ROBO1: variants seen among roughly 807,000 people sequenced by gnomAD.
The protein encoded by ROBO1 is roundabout guidance receptor 1.
Under a neutral mutation model 195.9 loss-of-function variants are expected in ROBO1, and 149 were observed. The observed-to-expected ratio is 0.76, with a 90% CI of 0.67 to 0.87. ROBO1 has a LOEUF of 0.87. Among genes scored for constraint, ROBO1 ranks in the 40% least tolerant of loss-of-function variants. The pLI, the probability that ROBO1 is intolerant of heterozygous loss-of-function variation, is 0.00. For synonymous variants in ROBO1, 816 were observed against 733.2 expected (o/e 1.11, Z -1.82); for missense variants, 1,933 against 2,068.3 (o/e 0.93, Z 1.27).
At chr3:78,856,683 A>G (rs560536035) in intron 4 of ROBO1, among the ~76,000 whole-genome samples, 2 of 151,440 alleles carry the variant, frequency 1.3e-5, no homozygotes, top group Admixed American at 1.3e-4. Context: ...AAATTACCCA[A>G]TCTCCTTTGA....
chr3:79,534,325 T>C (rs1236727331), intron 2 of ROBO1, among the ~76,000 whole-genome samples: 4 of 152,058 alleles, frequency 2.6e-5, no homozygotes, highest in Non-Finnish European at 5.9e-5. Flanking sequence ...GATTTTATAC[T>C]ACTGAAATAG....
intron 2 of ROBO1, among the ~76,000 whole-genome samples, chr3:79,388,075 G>A (rs1276429306): frequency 1.3e-5 from 2 of 152,114 alleles, no homozygotes; most frequent in Admixed American, 6.6e-5. Flanking sequence ...GCTATTAAAA[G>A]ACTATTATCA....
At position 79,458,552 on chromosome 3, in the gene ROBO1, C is replaced by T. The variant is rs190901651; in HGVS notation, c.88+131272G>A. The stretch of plus-strand genomic sequence containing the variant: ...TCATGTGTTCACTGGACAAGAAAGA[C>T]GCCACTCTAGGATTTAAGATTTACT... On this transcript the variant is annotated intron_variant, in intron 2 of 30. Coordinates refer to ENST00000464233, the MANE Select transcript of ROBO1 (RefSeq NM_002941.4). Among the ~76,000 whole-genome samples the T allele has an allele frequency of 4.6e-4, 69 of 151,354 alleles. 1 individual carries two copies. The highest frequency in any genetic ancestry group is 2.3e-3 in the Admixed American group (35 of 15,168).
At chr3:79,046,671 T>G (rs944704979) in intron 3 of ROBO1, among the ~76,000 whole-genome samples, 2 of 152,020 alleles carry the variant, frequency 1.3e-5, no homozygotes, top group African/African-American at 4.8e-5. Flanking sequence ...AGGCTAGGTC[T>G]GTCTCTCCTT....
At chr3:78,635,066 T>C (rs1705411920) in intron 23 of ROBO1, among the ~76,000 whole-genome samples, 2 of 152,134 alleles carry the variant, frequency 1.3e-5, no homozygotes, top group African/African-American at 4.8e-5. Context: ...CATGATATTA[T>C]AGCAGTAGCC....
chr3:79,568,525 A>C (rs1943166024), intron 2 of ROBO1, among the ~76,000 whole-genome samples: 1 of 144,312 alleles, frequency 6.9e-6, no homozygotes. Context: ...TCTTTTTCTC[A>C]TTGGGACGCT....
At chr3:79,530,916 G>A (rs9882771) in intron 2 of ROBO1, among the ~76,000 whole-genome samples, 28,914 of 151,898 alleles carry the variant, frequency 0.19, 3,236 homozygotes, top group African/African-American at 0.29. Flanking sequence ...GTCATCTTGC[G>A]GGACGTGACC....
intron 3 of ROBO1, among the ~76,000 whole-genome samples, chr3:78,973,161 A>AAAT (rs2076806636): frequency 6.6e-6 from 1 of 152,018 alleles, no homozygotes; most frequent in Non-Finnish European, 1.5e-5. Context: ...GCTTGCAATG[A>AAAT]AATAGTCATA....
chr3:79,025,738 G>C (rs183761479), intron 3 of ROBO1, among the ~76,000 whole-genome samples: 1 of 152,126 alleles, frequency 6.6e-6, no homozygotes, highest in Non-Finnish European at 1.5e-5. Context: ...CCCTTATTTA[G>C]ATCAGGTTAT....
At position 78,717,405 on chromosome 3, in the gene ROBO1, A is replaced by G. The variant is rs1227896308; in HGVS notation, c.787T>C (p.Ser263Pro). ...VAELTVLERP[S>P]FVKRPSNLAV... ...AAGTTACTGGGTCTCTTCACAAATG[A>G]TGGTCTCTCTAAAATTAAAAAGAGT... is the stretch of plus-strand genomic sequence containing the variant. Residue 263 changes from serine (S) to proline (P), a missense_variant, in exon 7 of 31, where the codon TCA becomes CCA. By Grantham distance (74) the Ser-to-Pro change is moderately conservative (BLOSUM62 -1). Around this residue, in one of 3 missense-constraint regions of ROBO1, gnomAD observed 1,737 missense variants for 1,882.5 expected, o/e 0.92. Coordinates refer to ENST00000464233, the MANE Select transcript of ROBO1 (RefSeq NM_002941.4). 1 of 1,613,686 alleles carries G rather than the reference A, an allele frequency of 6.2e-7. No homozygotes were observed. Among genetic ancestry groups the G allele is most frequent in the Non-Finnish European group, 8.5e-7 (1 of 1,179,674 alleles).
intron 2 of ROBO1, among the ~76,000 whole-genome samples, chr3:79,515,426 T>C (rs1940902074): frequency 6.6e-6 from 1 of 152,222 alleles, no homozygotes; most frequent in African/African-American, 2.4e-5. Context: ...AAAGGAGCTC[T>C]GCTTTTCATA....
intron 1 of ROBO1, among the ~76,000 whole-genome samples, chr3:79,699,362 C>T (rs1947544372): frequency 6.6e-6 from 1 of 151,508 alleles, no homozygotes; most frequent in South Asian, 2.1e-4. Context: ...GATTTGTGCG[C>T]CTTCCAGGTT....
chr3:78,673,578 A>T (rs868848772), intron 10 of ROBO1, among the ~76,000 whole-genome samples: 1 of 46,036 alleles, frequency 2.2e-5, no homozygotes, highest in Non-Finnish European at 4.2e-5. Context: ...ATATATATAT[A>T]TATATATATA....
chr3:78,743,280 T>C (rs1194215126), intron 5 of ROBO1, among the ~76,000 whole-genome samples: 2 of 152,048 alleles, frequency 1.3e-5, no homozygotes, highest in Non-Finnish European at 2.9e-5. Context: ...GTCAAGGTCA[T>C]TTATGACTGC....
intron 1 of ROBO1, among the ~76,000 whole-genome samples, chr3:79,708,424 C>T (rs1028308076): frequency 3.3e-5 from 5 of 152,120 alleles, no homozygotes; most frequent in South Asian, 2.1e-4. Context: ...ACATAAAACA[C>T]GAATTATATA....
At chr3:78,743,267 C>T (rs747661826) in intron 5 of ROBO1, among the ~76,000 whole-genome samples, 11 of 151,996 alleles carry the variant, frequency 7.2e-5, no homozygotes, top group Non-Finnish European at 1.5e-4. Context: ...TGAAACGGCT[C>T]TTGTCAAGGT....
intron 4 of ROBO1, among the ~76,000 whole-genome samples, chr3:78,773,972 A>C (rs1450291537): frequency 6.6e-6 from 1 of 152,224 alleles, no homozygotes; most frequent in Non-Finnish European, 1.5e-5. Context: ...CTTAATAGAT[A>C]CTTTTTAAAT....
intron 3 of ROBO1, among the ~76,000 whole-genome samples, chr3:78,947,539 T>A (rs1011962744): frequency 5.9e-5 from 9 of 152,072 alleles, no homozygotes; most frequent in Non-Finnish European, 1.3e-4. Flanking sequence ...TAGAGGGAAA[T>A]TTATAGCACT....
intron 3 of ROBO1, among the ~76,000 whole-genome samples, chr3:78,968,338 G>C (rs949323588): frequency 2.0e-5 from 3 of 146,586 alleles, no homozygotes; most frequent in Non-Finnish European, 3.0e-5. Context: ...GCAGTGGTGC[G>C]ATCTTGGCTC....
Sources: gnomAD v4.1 joint callset for allele counts (sites outside exome capture counted in the v4.1 genomes callset) on GRCh38, gnomAD v4.1.1 for gene constraint, gnomAD v4.1.1 regional missense constraint, MANE v1.5 for transcripts, NCBI Gene and HGNC (gene_info 2026-07-23, HGNC 2026-07-21) for gene names.